The following USP34 variants were observed in gnomAD, a reference collection of about 807,000 sequenced individuals.
USP34 encodes ubiquitin specific peptidase 34, also known as ubiquitin carboxyl-terminal hydrolase 34.
Under a neutral mutation model 460.3 loss-of-function variants are expected in USP34, and 70 were observed. The ratio of observed to expected loss-of-function variants is 0.15; its 90% CI spans 0.13 to 0.19. The LOEUF (loss-of-function observed/expected upper bound fraction) is 0.19, where lower values mean the gene tolerates loss of function less well. Ranked by LOEUF, USP34 falls within the 10% of genes least tolerant of loss-of-function variation. The pLI is 1.00. For synonymous variants in USP34, 1,647 were observed against 1,405.3 expected (o/e 1.17, Z -3.85); for missense variants, 3,985 against 4,236.2 (o/e 0.94, Z 1.65).
intron 3 of USP34, among the ~76,000 whole-genome samples, chr2:61,402,230 T>C (rs576312345): frequency 1.3e-5 from 2 of 152,020 alleles, no homozygotes; most frequent in Non-Finnish European, 2.9e-5. Context: ...TGGTGACCAA[T>C]GATCACACCA....
intron 41 of USP34, among the ~76,000 whole-genome samples, chr2:61,271,967 C>T (rs1397886353): frequency 6.6e-6 from 1 of 152,124 alleles, no homozygotes; most frequent in Non-Finnish European, 1.5e-5. Context: ...CCTTTAATAC[C>T]TCTACTTGGA....
chr2:61,259,092 C>T (rs1688801924), intron 44 of USP34, among the ~76,000 whole-genome samples: 6 of 151,934 alleles, frequency 3.9e-5, no homozygotes, highest in Admixed American at 3.9e-4. Flanking sequence ...AAAGCTGTCT[C>T]TACTAAAAAT....
intron 1 of USP34, among the ~76,000 whole-genome samples, chr2:61,425,263 T>C (rs1378181531): frequency 6.6e-6 from 1 of 152,136 alleles, no homozygotes; most frequent in Non-Finnish European, 1.5e-5. Flanking sequence ...TGAGTACTCA[T>C]AGTACCTGGT....
chr2:61,260,136 T>A (rs1221024680), intron 43 of USP34, among the ~76,000 whole-genome samples: 1 of 152,220 alleles, frequency 6.6e-6, no homozygotes, highest in East Asian at 1.9e-4. Context: ...ATTAAAAAAA[T>A]ACATTTGAAA....
intron 65 of USP34, 131 bp downstream of exon 65, chr2:61,222,488 C>G (rs983748188): frequency 1.5e-6 from 1 of 670,292 alleles, no homozygotes; most frequent in Non-Finnish European, 2.5e-6. Flanking sequence ...ACATTATACA[C>G]TTAAAAATAG....
At chr2:61,426,237 G>T (rs1160754888) in intron 1 of USP34, among the ~76,000 whole-genome samples, 1 of 152,104 alleles carries the variant, frequency 6.6e-6, no homozygotes, top group Non-Finnish European at 1.5e-5. Flanking sequence ...AGAGAACTTT[G>T]TCTTACAGCT....
intron 65 of USP34, 83 bp downstream of exon 65, chr2:61,222,536 C>G: frequency 2.7e-6 from 3 of 1,129,242 alleles, no homozygotes; most frequent in Non-Finnish European, 3.9e-6. Context: ...TAAATTTGTT[C>G]TCGAGAACAA....
At chr2:61,290,450 A>G (rs1689816201) in intron 33 of USP34, among the ~76,000 whole-genome samples, 3 of 152,184 alleles carry the variant, frequency 2.0e-5, no homozygotes, top group Admixed American at 6.5e-5. Flanking sequence ...TCAATAGGTG[A>G]GCAGATAAAT....
At chr2:61,433,949 C>T (rs748427020) in intron 1 of USP34, among the ~76,000 whole-genome samples, 2 of 152,098 alleles carry the variant, frequency 1.3e-5, no homozygotes, top group South Asian at 2.1e-4. Context: ...ACTTTGGTCC[C>T]GCACAGCAGG....
chr2:61,322,636 A>C (rs987824474), intron 21 of USP34, among the ~76,000 whole-genome samples: 11 of 152,366 alleles, frequency 7.2e-5, no homozygotes, highest in African/African-American at 2.6e-4. Context: ...AAAGTAGATG[A>C]AATGACAAAA....
chr2:61,375,823 G>A (rs551295462), intron 8 of USP34, among the ~76,000 whole-genome samples: 3 of 146,000 alleles, frequency 2.1e-5, no homozygotes, highest in Admixed American at 1.4e-4. Context: ...TCCATCAACT[G>A]GTACTTGATC....
At chr2:61,309,538 A>G (rs779009825) in intron 27 of USP34, among the ~76,000 whole-genome samples, 3 of 152,154 alleles carry the variant, frequency 2.0e-5, no homozygotes, top group Non-Finnish European at 4.4e-5. Context: ...TATCTTCTCT[A>G]TGTTACAAAA....
intron 75 of USP34, chr2:61,194,334 C>A: frequency 1.0e-6 from 1 of 980,802 alleles, no homozygotes; most frequent in East Asian, 1.1e-4. Context: ...CATAGGTAAA[C>A]AAGGACATGT....
rs944597982 is a variant in USP34, at chr2:61,214,212, C to G, written c.8530G>C (p.Val2844Leu). The G allele has an allele frequency of 6.2e-7, 1 of 1,614,200 alleles. No individual in the cohort carries two copies. The highest frequency in any genetic ancestry group is 8.5e-7 in the Non-Finnish European group (1 of 1,180,038). The change falls in exon 68 of 80, where the codon GTG (valine) becomes CTG (leucine). Residue 2844 changes from valine to leucine, a missense_variant. Val to Leu is a conservative substitution (Grantham distance 32). This residue lies in a region of USP34 where 66 missense variants were observed against 121.2 expected (regional missense o/e 0.54). Transcript: ENST00000398571. ...ILADHDDQDV[V>L]LFNRGMLPAY... ...GGCAGCATCCCACGGTTAAAAAGCA[C>G]CACATCCTGATCATCATGGTCAGCA...
intron 19 of USP34, among the ~76,000 whole-genome samples, chr2:61,332,166 T>A (rs1327868977): frequency 6.6e-6 from 1 of 152,030 alleles, no homozygotes; most frequent in African/African-American, 2.4e-5. Context: ...CTTGTGGAAG[T>A]CTGTTTGCTT....
rs77877270 is a variant in USP34, at chr2:61,341,596, C to T, written c.2501-1915G>A. 8.0e-3 allele frequency among the ~76,000 whole-genome samples: 1,214 copies of T among 151,964 alleles called. 16 individuals are homozygous for T. Among genetic ancestry groups the T allele is most frequent in the African/African-American group, 0.028 (1,154 of 41,420 alleles). On this transcript the variant is annotated intron_variant, in intron 16 of 79. Transcript: ENST00000398571. ...TCCAACCCCCCGTTTCCACTTCTGC[C>T]ATGAGACCCCTGCTCCCCCTTCACA...
At position 61,257,151 on chromosome 2, in the gene USP34, G is replaced by A. The variant is rs781271170; in HGVS notation, c.5992-43C>T. On this transcript the variant is annotated intron_variant, in intron 45 of 79. Coordinates refer to ENST00000398571, the MANE Select transcript of USP34 (RefSeq NM_014709.4). ...CAAAAAATAAGAAACTAGTTAAAACGCAGGCAAATTTGTTCAAATTTCAAA... is the reference window on the plus strand; with the variant it reads ...CAAAAAATAAGAAACTAGTTAAAACACAGGCAAATTTGTTCAAATTTCAAA... The A allele has an allele frequency of 2.0e-5, 31 of 1,573,430 alleles. No individual in the cohort carries two copies. The East Asian group carries it at 4.1e-4, about 21-fold the overall frequency.
chr2:61,424,399 C>G (rs983497138), intron 1 of USP34, among the ~76,000 whole-genome samples: 1 of 152,136 alleles, frequency 6.6e-6, no homozygotes, highest in Non-Finnish European at 1.5e-5. Context: ...CATCGTTACT[C>G]GGTGCATGAC....
At chr2:61,261,831 G>T (rs142280097) in intron 43 of USP34, among the ~76,000 whole-genome samples, 4 of 151,992 alleles carry the variant, frequency 2.6e-5, no homozygotes, top group African/African-American at 9.6e-5. Flanking sequence ...TTGGCTGGGC[G>T]CGGTGGCTTA....
Sources: gnomAD v4.1 joint callset for allele counts (sites outside exome capture counted in the v4.1 genomes callset) on GRCh38, gnomAD v4.1.1 for gene constraint, gnomAD v4.1.1 regional missense constraint, MANE v1.5 for transcripts, NCBI Gene and HGNC (gene_info 2026-07-23, HGNC 2026-07-21) for gene names.